Variants in SAMMSON observed in about 807,000 individuals in gnomAD.
SAMMSON encodes the protein long intergenic non-protein coding RNA 1212.
intron 7 of SAMMSON, among the ~76,000 whole-genome samples, chr3:70,336,858 G>GTGTGT (rs1491478364): frequency 2.1e-4 from 28 of 135,816 alleles, no homozygotes; most frequent in Non-Finnish European, 3.2e-4. Context: ...GTGTGTGTGT[G>GTGTGT]GAGAGAGAGA....
chr3:70,278,126 C>T (rs1389642827), intron 6 of SAMMSON, among the ~76,000 whole-genome samples: 3 of 152,136 alleles, frequency 2.0e-5, no homozygotes. Context: ...CACCTTTGCC[C>T]CCAACTTCTT....
At chr3:70,025,270 G>A (rs1303430587) in intron 3 of SAMMSON, 1 of 152,004 alleles carries the variant, frequency 6.6e-6, no homozygotes, top group Non-Finnish European at 1.5e-5. Flanking sequence ...TTGAGATGGA[G>A]TTTCATTCTT....
chr3:70,033,384 T>C (rs1240938489), intron 3 of SAMMSON, among the ~76,000 whole-genome samples: 1 of 152,018 alleles, frequency 6.6e-6, no homozygotes, highest in Non-Finnish European at 1.5e-5. Flanking sequence ...AGGAGGGATT[T>C]GTTCATGGTG....
At chr3:70,034,989 A>G (rs867375798) in intron 3 of SAMMSON, among the ~76,000 whole-genome samples, 7 of 152,214 alleles carry the variant, frequency 4.6e-5, no homozygotes, top group African/African-American at 1.4e-4. Flanking sequence ...AACAATATCA[A>G]TGACCTCACA....
chr3:70,379,725 C>G (rs988224211), intron 9 of SAMMSON, among the ~76,000 whole-genome samples: 2 of 152,070 alleles, frequency 1.3e-5, no homozygotes, highest in African/African-American at 4.8e-5. Flanking sequence ...CAAAAAATTC[C>G]TTTACTGAAG....
intron 7 of SAMMSON, among the ~76,000 whole-genome samples, chr3:70,313,633 T>G (rs1702474473): frequency 6.6e-6 from 1 of 152,158 alleles, no homozygotes; most frequent in African/African-American, 2.4e-5. Context: ...ATATTTATTT[T>G]TTGTCTCAAG....
chr3:70,028,129 CCCTTCCTTCCTTCTTT>C (rs2067049126), intron 3 of SAMMSON, among the ~76,000 whole-genome samples: 1 of 139,624 alleles, frequency 7.2e-6, no homozygotes, highest in African/African-American at 2.8e-5. Flanking sequence ...TTCCTTCCGT[CCCTTCCTTCCTTCTTT>C]CCTTCCTTCC....
chr3:70,240,954 G>A (rs1445099146), intron 4 of SAMMSON, among the ~76,000 whole-genome samples: 1 of 152,152 alleles, frequency 6.6e-6, no homozygotes, highest in African/African-American at 2.4e-5. Flanking sequence ...AATGAGCCAA[G>A]TTAATAGCTT....
intron 1 of SAMMSON, among the ~76,000 whole-genome samples, chr3:70,005,622 G>C (rs1393854843): frequency 2.6e-5 from 4 of 152,088 alleles, no homozygotes; most frequent in Non-Finnish European, 5.9e-5. Flanking sequence ...GGCAGGACCA[G>C]ATTCAGAAAA....
chr3:70,255,433 T>G (rs922332568), intron 6 of SAMMSON, among the ~76,000 whole-genome samples: 1 of 152,194 alleles, frequency 6.6e-6, no homozygotes, highest in Non-Finnish European at 1.5e-5. Flanking sequence ...TAATTTTTTT[T>G]TCTTCTTTAT....
chr3:70,107,714 A>G lies in SAMMSON; in HGVS notation n.507+36149A>G, dbSNP rs559088706. On this transcript the variant is annotated intron_variant and non_coding_transcript_variant, in intron 4 of 9. Transcript: ENST00000642114. Reference sequence around the variant, plus strand: ...ATCATAAAAGGAAAATAGATTTGTCATACGAATTAATAGGATATAGAGAAT... The same window carrying G: ...ATCATAAAAGGAAAATAGATTTGTCGTACGAATTAATAGGATATAGAGAAT... Among the ~76,000 whole-genome samples, 132 of 152,036 alleles carry G rather than the reference A, an allele frequency of 8.7e-4. No homozygotes were observed. In the South Asian group the frequency reaches 0.02, roughly 23 times the overall value.
At chr3:70,021,997 C>G (rs1163407111) in intron 3 of SAMMSON, among the ~76,000 whole-genome samples, 1 of 151,984 alleles carries the variant, frequency 6.6e-6, no homozygotes, top group Non-Finnish European at 1.5e-5. Flanking sequence ...TGTTTAGGCA[C>G]CAGAATGGAG....
chr3:70,071,943 G>A (rs1178231191), intron 4 of SAMMSON: 1 of 151,474 alleles, frequency 6.6e-6, no homozygotes, highest in Non-Finnish European at 1.5e-5. Flanking sequence ...TCAGACAAAT[G>A]TATAGGCATT....
chr3:70,343,744 T>C (rs1702729497), intron 7 of SAMMSON, among the ~76,000 whole-genome samples: 1 of 151,948 alleles, frequency 6.6e-6, no homozygotes, highest in Non-Finnish European at 1.5e-5. Flanking sequence ...TGAGGAATGG[T>C]CAGTTGTGCT....
chr3:70,372,492 G>T (rs774807070), intron 9 of SAMMSON, among the ~76,000 whole-genome samples: 1 of 151,860 alleles, frequency 6.6e-6, no homozygotes, highest in Non-Finnish European at 1.5e-5. Flanking sequence ...TAGAGACGGG[G>T]TTTCACCATG....
chr3:70,331,636 A>G (rs1045553446), intron 7 of SAMMSON, among the ~76,000 whole-genome samples: 2 of 152,232 alleles, frequency 1.3e-5, no homozygotes, highest in Middle Eastern at 3.2e-3. Context: ...ATGTTAAAAT[A>G]TGATTCACCT....
At position 70,000,442 on chromosome 3, in the gene SAMMSON, A is replaced by G. The variant is rs143432226; in HGVS notation, n.22+575A>G. On this transcript the variant is annotated intron_variant and non_coding_transcript_variant, in intron 1 of 9. Transcript: ENST00000642114. ...AATGGTACAATGATATATATTGACA[A>G]TATTCCTCTTTCACCCACATTTTGT... is the stretch of plus-strand genomic sequence containing the variant. 2.2e-3 allele frequency among the ~76,000 whole-genome samples: 337 copies of G among 152,332 alleles called. 1 individual carries two copies. Among genetic ancestry groups the G allele is most frequent in the East Asian group, 0.021 (108 of 5,180 alleles).
intron 4 of SAMMSON, among the ~76,000 whole-genome samples, chr3:70,084,205 G>C (rs1232901631): frequency 6.6e-6 from 1 of 152,098 alleles, no homozygotes; most frequent in African/African-American, 2.4e-5. Context: ...CTCAGTGGGA[G>C]TGCCCTCAGG....
At chr3:70,358,038 T>C (rs1294510643) in intron 8 of SAMMSON, among the ~76,000 whole-genome samples, 1 of 152,180 alleles carries the variant, frequency 6.6e-6, no homozygotes, top group Non-Finnish European at 1.5e-5. Flanking sequence ...AGTCAGTTCG[T>C]ACAGTTCCCA....
Sources: gnomAD v4.1 joint callset for allele counts (sites outside exome capture counted in the v4.1 genomes callset) on GRCh38, gnomAD v4.1.1 for gene constraint, MANE v1.5 for transcripts, NCBI Gene and HGNC (gene_info 2026-07-23, HGNC 2026-07-21) for gene names.